Variants in WIPI1 observed in about 807,000 individuals in gnomAD.
The protein encoded by WIPI1 is WD repeat domain, phosphoinositide interacting 1.
A neutral mutation model predicts 55.3 loss-of-function variants in WIPI1; 45 were observed. The ratio of observed to expected loss-of-function variants is 0.81; its 90% CI spans 0.64 to 1.04. WIPI1 has a LOEUF of 1.04. WIPI1 is among the 50% of genes least tolerant of loss of function. WIPI1 has a pLI of 0.00. For missense variants in WIPI1, 445 were observed against 559.0 expected (o/e 0.80, Z 2.06); for synonymous variants, 195 against 217.6 (o/e 0.90, Z 0.92).
intron 8 of WIPI1, 78 bp from the exon 9 acceptor site, chr17:68,430,238 T>C: frequency 6.9e-7 from 1 of 1,448,048 alleles, no homozygotes. Flanking sequence ...CACCCAAGCG[T>C]CATTAGCCAC....
At chr17:68,454,076 G>C (rs2062503273) in intron 1 of WIPI1, among the ~76,000 whole-genome samples, 1 of 152,080 alleles carries the variant, frequency 6.6e-6, no homozygotes, top group African/African-American at 2.4e-5. Context: ...AAAAAAATCT[G>C]GTTCTCTTAA....
chr17:68,455,584 G>A (rs2084628157), intron 1 of WIPI1, among the ~76,000 whole-genome samples: 1 of 152,096 alleles, frequency 6.6e-6, no homozygotes, highest in Non-Finnish European at 1.5e-5. Flanking sequence ...ACCCTCTGTG[G>A]CTCAAAGCAA....
intron 8 of WIPI1, among the ~76,000 whole-genome samples, 183 bp downstream of exon 8, chr17:68,433,285 T>G (rs1698105826): frequency 6.6e-6 from 1 of 152,326 alleles, no homozygotes; most frequent in Middle Eastern, 3.4e-3. Flanking sequence ...TGGCTCCCAG[T>G]TTTTTGCTTT....
chr17:68,434,771 T>G, intron 6 of WIPI1, 145 bp from the exon 7 acceptor site: 1 of 746,556 alleles, frequency 1.3e-6, no homozygotes, highest in Non-Finnish European at 2.2e-6. Context: ...GCATGTTTAT[T>G]TATGTGCCAT....
At chr17:68,427,350 C>T in intron 10 of WIPI1, 97 bp from the exon 11 acceptor site, 2 of 899,998 alleles carry the variant, frequency 2.2e-6, no homozygotes, top group East Asian at 2.5e-5. Context: ...CTGTGCTCAG[C>T]TCTGTGGGTT....
chr17:68,432,130 C>G (rs949158888), intron 8 of WIPI1, among the ~76,000 whole-genome samples: 1 of 151,930 alleles, frequency 6.6e-6, no homozygotes, highest in African/African-American at 2.4e-5. Flanking sequence ...TTGGGTTACA[C>G]CTGTGCAGAT....
chr17:68,448,406 T>A (rs1204353049), intron 3 of WIPI1: 3 of 152,240 alleles, frequency 2.0e-5, no homozygotes, highest in Non-Finnish European at 4.4e-5. Flanking sequence ...CGACGTTAGA[T>A]CTTGGTTCCG....
chr17:68,447,766 G>A (rs1176834500), intron 3 of WIPI1, among the ~76,000 whole-genome samples: 2 of 152,198 alleles, frequency 1.3e-5, no homozygotes, highest in East Asian at 3.9e-4. Flanking sequence ...GCCGAGGTGG[G>A]TGGATCACGA....
chr17:68,426,250 G>GGGGGGGGGGGGGGGT, intron 11 of WIPI1, 75 bp from the exon 12 acceptor site: 1 of 828,060 alleles, frequency 1.2e-6, no homozygotes, highest in Non-Finnish European at 1.9e-6. Context: ...GGTGGGGAGC[G>GGGGGGGGGGGGGGGT]GGGGCTCAAA....
chr17:68,426,254 G>A (rs2083184391), intron 11 of WIPI1, 79 bp from the exon 12 acceptor site: 1 of 816,920 alleles, frequency 1.2e-6, no homozygotes, highest in Non-Finnish European at 1.9e-6. Flanking sequence ...GGGAGCGGGG[G>A]CTCAAATAAA....
intron 6 of WIPI1, among the ~76,000 whole-genome samples, chr17:68,435,115 G>A (rs1465678812): frequency 6.6e-6 from 1 of 151,696 alleles, no homozygotes; most frequent in Non-Finnish European, 1.5e-5. Flanking sequence ...GCTGAGGCAG[G>A]AGAATCACTT....
chr17:68,430,044 G>A lies in WIPI1; in HGVS notation c.917C>T (p.Thr306Ile), dbSNP rs376983787. Residue 306 changes from threonine (T) to isoleucine (I), a missense_variant, in exon 9 of 13, where the codon ACT (threonine) becomes ATT (isoleucine). Coordinates refer to ENST00000262139, the MANE Select transcript of WIPI1 (RefSeq NM_017983.7). ...DMMHQDRAFA[T>I]ARLNFSGQRN... ...CTGTCCGGAGAAGTTCAAGCGTGCA[G>A]TGGCAAAAGCCCTGTCCTGATGCAT... 1.2e-5 allele frequency: 20 copies of A among 1,614,132 alleles called. No homozygotes were observed. The African/African-American group carries it at 2.3e-4, about 18-fold the overall frequency.
rs373139837 is a variant in WIPI1, at chr17:68,424,746, G to A, written c.1293+1329C>T. 7.4e-4 allele frequency among the ~76,000 whole-genome samples: 112 copies of A among 152,228 alleles called. 1 individual carries two copies. The highest frequency in any genetic ancestry group is 3.4e-3 in the Middle Eastern group (1 of 294). On this transcript the variant is annotated intron_variant, in intron 12 of 12. Coordinates refer to ENST00000262139, the MANE Select transcript of WIPI1 (RefSeq NM_017983.7). ...CAAAATATTAGTTGGGCATGGTGGC[G>A]CACATCTGTAATTGCAGCTACTCGG...
chr17:68,443,088 T>TTTTA (rs1161629327), intron 4 of WIPI1, among the ~76,000 whole-genome samples: 2 of 152,246 alleles, frequency 1.3e-5, no homozygotes, highest in Admixed American at 1.3e-4. Context: ...GGCTTTGTTC[T>TTTTA]TTTATTTATT....
intron 3 of WIPI1, among the ~76,000 whole-genome samples, chr17:68,444,920 T>G (rs1446958901): frequency 7.0e-6 from 1 of 141,864 alleles, no homozygotes; most frequent in East Asian, 2.0e-4. Context: ...GAACACTTTT[T>G]TTTTTTTTTT....
chr17:68,447,984 C>CAAAAAAAAA (rs5821653), intron 3 of WIPI1, among the ~76,000 whole-genome samples: 1 of 80,286 alleles, frequency 1.2e-5, no homozygotes, highest in Admixed American at 1.4e-4. Flanking sequence ...GACTCTATCT[C>CAAAAAAAAA]AAAAAAAAAA....
chr17:68,436,330 A>G, intron 5 of WIPI1, 52 bp downstream of exon 5: 1 of 1,551,218 alleles, frequency 6.4e-7, no homozygotes, highest in Non-Finnish European at 8.9e-7. Context: ...TCCTTCCATG[A>G]CCACACAGCC....
intron 12 of WIPI1, among the ~76,000 whole-genome samples, chr17:68,425,535 G>A (rs1361835167): frequency 6.6e-6 from 1 of 151,940 alleles, no homozygotes; most frequent in Non-Finnish European, 1.5e-5. Context: ...GTTTCTTAAT[G>A]AGTGTCTGCA....
chr17:68,429,076 C>A, intron 9 of WIPI1, 140 bp from the exon 10 acceptor site: 1 of 642,302 alleles, frequency 1.6e-6, no homozygotes, highest in Admixed American at 2.6e-5. Context: ...CTGGTCTGGG[C>A]TTCTGGCTAT....
Sources: allele counts gnomAD v4.1 joint callset (sites outside exome capture counted in the v4.1 genomes callset), GRCh38; gene constraint gnomAD v4.1.1; transcripts MANE v1.5; gene names NCBI Gene and HGNC (gene_info 2026-07-23, HGNC 2026-07-21).